The following CD55 variants were observed in gnomAD, a reference collection of about 807,000 sequenced individuals.
CD55 encodes the protein complement decay-accelerating factor.
A neutral mutation model predicts 45.8 loss-of-function variants in CD55; 41 were observed. The observed-to-expected ratio is 0.90, with a 90% CI of 0.70 to 1.16. The LOEUF is 1.16. Among genes scored for constraint, CD55 ranks in the 50% most tolerant of loss-of-function variants. CD55 has a pLI of 0.00. For missense variants in CD55, 416 were observed against 469.8 expected, an observed-to-expected ratio of 0.89 and a Z score of 1.06; for synonymous variants, 181 against 181.1, an observed-to-expected ratio of 1.00 and a Z score of 0.01.
intron 9 of CD55, among the ~76,000 whole-genome samples, chr1:207,349,980 A>G (rs537990131): frequency 3.3e-5 from 5 of 152,126 alleles, no homozygotes; most frequent in Non-Finnish European, 7.4e-5. Flanking sequence ...ATTCAGTATG[A>G]TGTTGGCTGT....
chr1:207,355,618 T>C (rs1656048979), intron 9 of CD55, among the ~76,000 whole-genome samples: 1 of 152,202 alleles, frequency 6.6e-6, no homozygotes, highest in Admixed American at 6.5e-5. Flanking sequence ...TCTCAGATGA[T>C]AATAGTACAG....
Position 207,342,514 on chromosome 1 carries a change from G to A in CD55, c.1081+3097G>A, listed in dbSNP as rs536859170. ...TTGAGAGTTTTATTGATTTCTATGTGTTGAATCATCCTTGCATCCCTGGTC... is the reference window on the plus strand; with the variant it reads ...TTGAGAGTTTTATTGATTTCTATGTATTGAATCATCCTTGCATCCCTGGTC... On this transcript the variant is annotated intron_variant, in intron 9 of 9. Coordinates refer to ENST00000367064, the MANE Select transcript of CD55 (RefSeq NM_000574.5). 1.6e-3 allele frequency among the ~76,000 whole-genome samples: 244 copies of A among 152,218 alleles called. 1 individual carries two copies. Among genetic ancestry groups the A allele is most frequent in the Admixed American group, 3.3e-3 (51 of 15,298 alleles).
chr1:207,326,027 A>G (rs1377743240), intron 4 of CD55, among the ~76,000 whole-genome samples: 1 of 144,296 alleles, frequency 6.9e-6, no homozygotes, highest in African/African-American at 2.6e-5. Context: ...GAAATCTTCA[A>G]ATGTTAAATA....
At chr1:207,343,529 T>C (rs1333520053) in intron 9 of CD55, among the ~76,000 whole-genome samples, 1 of 152,180 alleles carries the variant, frequency 6.6e-6, no homozygotes, top group Non-Finnish European at 1.5e-5. Flanking sequence ...CCATTATGGT[T>C]TGAGAAGATA....
At chr1:207,357,574 C>T (rs899850520) in intron 9 of CD55, among the ~76,000 whole-genome samples, 22 of 2,410 alleles carry the variant, frequency 9.1e-3, no homozygotes, top group Admixed American at 0.06. Context: ...CGGGGGAGGG[C>T]GGAGGGCGGG....
intron 9 of CD55, among the ~76,000 whole-genome samples, chr1:207,344,711 C>CT (rs551440149): frequency 0.019 from 2,659 of 141,534 alleles, 28 homozygotes; most frequent in Non-Finnish European, 0.023. Context: ...TGGAGAAAAC[C>CT]TTTTTTTTTT....
intron 9 of CD55, among the ~76,000 whole-genome samples, chr1:207,349,840 A>G (rs1655794066): frequency 6.6e-6 from 1 of 152,164 alleles, no homozygotes; most frequent in Non-Finnish European, 1.5e-5. Flanking sequence ...CTCTTCCTAT[A>G]TGGATGCCTT....
chr1:207,325,843 C>G (rs1274786718), intron 4 of CD55, 122 bp downstream of exon 4: 3 of 523,680 alleles, frequency 5.7e-6, no homozygotes, highest in Non-Finnish European at 1.0e-5. Context: ...CAATCCCTCT[C>G]CTCAAAGACC....
chr1:207,330,182 A>G (rs532548349), intron 5 of CD55, among the ~76,000 whole-genome samples: 1 of 152,326 alleles, frequency 6.6e-6, no homozygotes, highest in African/African-American at 2.4e-5. Context: ...ACTCTAAGTT[A>G]GTGTAAATCA....
chr1:207,358,681 T>C (rs1380202235), intron 9 of CD55: 1 of 152,206 alleles, frequency 6.6e-6, no homozygotes, highest in East Asian at 1.9e-4. Context: ...TTAATACCCT[T>C]GGCTAGGGGG....
rs569926561 is a variant in CD55, at chr1:207,322,295, G to A, written c.101-87G>A. On this transcript the variant is annotated intron_variant, in intron 1 of 9. Transcript: ENST00000367064. ...TTGCATGTCATCTCTTTCAGGTGTGGCATTTCAAGGGGGCTTGTGTCTTGA... is the reference window on the plus strand; with the variant it reads ...TTGCATGTCATCTCTTTCAGGTGTGACATTTCAAGGGGGCTTGTGTCTTGA... 1.0e-5 allele frequency: 11 copies of A among 1,056,986 alleles called. No individual in the cohort carries two copies. The South Asian group carries it at 1.1e-4, about 11-fold the overall frequency. The allele number at this position is 1,056,986 out of a possible 1,614,324, so 65.5% of individuals were successfully genotyped here.
chr1:207,333,185 T>A (rs1468882068), intron 6 of CD55, among the ~76,000 whole-genome samples: 2 of 152,220 alleles, frequency 1.3e-5, no homozygotes, highest in Non-Finnish European at 2.9e-5. Flanking sequence ...AGGAACAGGC[T>A]TTTATCTAGC....
chr1:207,336,612 C>T, intron 6 of CD55, 81 bp from the exon 7 acceptor site: 3 of 1,510,836 alleles, frequency 2.0e-6, no homozygotes, highest in African/African-American at 2.8e-5. Flanking sequence ...GAAAGGATAG[C>T]CACAGAGCAA....
chr1:207,331,554 A>T (rs1343460847), intron 6 of CD55, among the ~76,000 whole-genome samples: 1 of 152,100 alleles, frequency 6.6e-6, no homozygotes, highest in Non-Finnish European at 1.5e-5. Flanking sequence ...AAATTTGCTT[A>T]CATTTGCTGT....
chr1:207,343,081 T>C (rs1417258088), intron 9 of CD55, among the ~76,000 whole-genome samples: 1 of 152,126 alleles, frequency 6.6e-6, no homozygotes, highest in African/African-American at 2.4e-5. Flanking sequence ...CTTCTCTCTT[T>C]TTTTCTTGGT....
intron 5 of CD55, among the ~76,000 whole-genome samples, chr1:207,328,656 A>G (rs1654795336): frequency 2.0e-5 from 3 of 152,178 alleles, no homozygotes; most frequent in East Asian, 1.9e-4. Flanking sequence ...GACTGATGGT[A>G]TCTGCTAACC....
intron 3 of CD55, among the ~76,000 whole-genome samples, chr1:207,324,982 AG>A (rs1278730357): frequency 6.6e-6 from 1 of 152,220 alleles, no homozygotes; most frequent in East Asian, 1.9e-4. Context: ...AAATAAAACA[AG>A]TATATATTCT....
intron 6 of CD55, 49 bp downstream of exon 6, chr1:207,331,345 C>A: frequency 6.9e-7 from 1 of 1,445,236 alleles, no homozygotes; most frequent in South Asian, 1.2e-5. Flanking sequence ...ACCCTCAGGT[C>A]TATATGTGGG....
At chr1:207,327,418 CTG>C (rs1364546390) in intron 5 of CD55, among the ~76,000 whole-genome samples, 5 of 152,088 alleles carry the variant, frequency 3.3e-5, no homozygotes, top group African/African-American at 7.2e-5. Flanking sequence ...AGAAGAAATA[CTG>C]TGTCTGTATT....
Sources: gnomAD v4.1 joint callset for allele counts (sites outside exome capture counted in the v4.1 genomes callset) on GRCh38, gnomAD v4.1.1 for gene constraint, MANE v1.5 for transcripts, NCBI Gene and HGNC (gene_info 2026-07-23, HGNC 2026-07-21) for gene names.